Variants in ADGRB3 observed in about 807,000 individuals in gnomAD.
ADGRB3 encodes the protein brain-specific angiogenesis inhibitor 3.
A neutral mutation model predicts 193.4 loss-of-function variants in ADGRB3; 37 were observed. The observed-to-expected ratio is 0.19, with a 90% CI of 0.15 to 0.25. ADGRB3 has a LOEUF of 0.25. ADGRB3 is among the 10% of genes least tolerant of loss of function. The probability of loss-of-function intolerance (pLI) is 1.00; values close to 1 mark genes in which losing one functional copy is unlikely to be tolerated. For missense variants in ADGRB3, 1,637 were observed against 1,852.9 expected (o/e 0.88, Z 2.14); for synonymous variants, 690 against 644.2 (o/e 1.07, Z -1.08).
intron 13 of ADGRB3, among the ~76,000 whole-genome samples, chr6:69,042,373 A>G (rs1771098208): frequency 1.3e-5 from 2 of 152,340 alleles, no homozygotes; most frequent in South Asian, 4.1e-4. Flanking sequence ...TTTGGTAAAT[A>G]CTGTTGAATG....
chr6:69,113,599 G>A (rs1006178849), intron 17 of ADGRB3, among the ~76,000 whole-genome samples: 3 of 151,986 alleles, frequency 2.0e-5, no homozygotes, highest in Admixed American at 6.6e-5. Flanking sequence ...TATAGAAAAT[G>A]ACTAAATATA....
chr6:68,996,822 C>T (rs569591236), intron 11 of ADGRB3, among the ~76,000 whole-genome samples: 1 of 152,232 alleles, frequency 6.6e-6, no homozygotes, highest in South Asian at 2.1e-4. Flanking sequence ...TAGCCAAGTG[C>T]CAGCCCACCT....
intron 3 of ADGRB3, among the ~76,000 whole-genome samples, chr6:68,796,284 G>A (rs1423519834): frequency 6.6e-6 from 1 of 151,306 alleles, no homozygotes; most frequent in African/African-American, 2.4e-5. Context: ...TTTATATACT[G>A]TACTGACTGG....
chr6:68,752,266 C>A (rs1190018325), intron 3 of ADGRB3, among the ~76,000 whole-genome samples: 2 of 147,874 alleles, frequency 1.4e-5, no homozygotes, highest in Non-Finnish European at 3.0e-5. Context: ...TCAGTTGTGG[C>A]AGAATATTCT....
At chr6:69,063,890 T>G (rs1771823258) in intron 16 of ADGRB3, among the ~76,000 whole-genome samples, 1 of 152,044 alleles carries the variant, frequency 6.6e-6, no homozygotes, top group East Asian at 1.9e-4. Context: ...TGTACTTTCA[T>G]AGTTCCTGTA....
At chr6:68,728,171 T>A (rs917811423) in intron 3 of ADGRB3, among the ~76,000 whole-genome samples, 4 of 151,416 alleles carry the variant, frequency 2.6e-5, no homozygotes, top group African/African-American at 4.8e-5. Flanking sequence ...TGAAAAAAAA[T>A]ATTGACAGAG....
chr6:68,788,273 C>A (rs1015239890), intron 3 of ADGRB3, among the ~76,000 whole-genome samples: 1 of 152,048 alleles, frequency 6.6e-6, no homozygotes, highest in Non-Finnish European at 1.5e-5. Context: ...ATCTTTCCTG[C>A]TTTCTCTTGT....
intron 11 of ADGRB3, among the ~76,000 whole-genome samples, 169 bp downstream of exon 11, chr6:68,994,131 C>T (rs189886642): frequency 2.6e-4 from 40 of 152,214 alleles, no homozygotes; most frequent in African/African-American, 9.4e-4. Flanking sequence ...AGTCATTCTC[C>T]ACCTCAATGT....
At chr6:68,866,524 G>A (rs1765301710) in intron 3 of ADGRB3, among the ~76,000 whole-genome samples, 2 of 152,176 alleles carry the variant, frequency 1.3e-5, no homozygotes, top group Non-Finnish European at 2.9e-5. Flanking sequence ...GTGGGTCACT[G>A]CTATAAAGAT....
rs900691778 is a variant in ADGRB3, at chr6:69,223,401, C to A, written c.2481-9889C>A. Among the ~76,000 whole-genome samples the A allele has an allele frequency of 3.9e-5, 6 of 152,076 alleles. No individual in the cohort carries two copies. In the East Asian group the frequency reaches 9.6e-4, roughly 24 times the overall value. The stretch of plus-strand genomic sequence containing the variant: ...CTTAATTGATATCTCAGTTTGATGT[C>A]TCAACAGTTATTTTTAAGCACTATC... On this transcript the variant is annotated intron_variant, in intron 17 of 31. Coordinates refer to ENST00000370598, the MANE Select transcript of ADGRB3 (RefSeq NM_001704.3).
intron 16 of ADGRB3, among the ~76,000 whole-genome samples, chr6:69,066,027 A>G (rs535909609): frequency 6.7e-6 from 1 of 148,300 alleles, no homozygotes; most frequent in Admixed American, 6.7e-5. Flanking sequence ...TGCATAGGTT[A>G]TATGCAAATA....
chr6:69,354,593 G>T (rs557733435), intron 27 of ADGRB3, among the ~76,000 whole-genome samples: 1 of 152,228 alleles, frequency 6.6e-6, no homozygotes, highest in South Asian at 2.1e-4. Context: ...TAGAATTAGG[G>T]CTAATGATTT....
At chr6:69,063,871 C>A (rs1302612174) in intron 16 of ADGRB3, among the ~76,000 whole-genome samples, 2 of 151,778 alleles carry the variant, frequency 1.3e-5, no homozygotes, top group East Asian at 3.9e-4. Context: ...CTATGAAAGT[C>A]TTCCTTATTG....
At chr6:68,658,646 T>G (rs1768548585) in intron 3 of ADGRB3, among the ~76,000 whole-genome samples, 1 of 151,286 alleles carries the variant, frequency 6.6e-6, no homozygotes, top group South Asian at 2.1e-4. Context: ...GTTTTTTGGA[T>G]TGCTACATTT....
intron 26 of ADGRB3, among the ~76,000 whole-genome samples, chr6:69,351,613 G>T (rs1314004084): frequency 6.6e-6 from 1 of 152,106 alleles, no homozygotes; most frequent in Non-Finnish European, 1.5e-5. Context: ...AGCATTTAAT[G>T]ATTCATGAAG....
chr6:69,308,586 T>C (rs1366974185), intron 20 of ADGRB3, among the ~76,000 whole-genome samples: 2 of 151,710 alleles, frequency 1.3e-5, no homozygotes, highest in African/African-American at 2.4e-5. Flanking sequence ...AAAGGTAATA[T>C]TTAGGTTTAA....
rs66675226 is a variant in ADGRB3, at chr6:69,011,135, A to ATGTGTGTGTGTG, written c.1930-2881_1930-2870dup. Among the ~76,000 whole-genome samples, 1,399 of 144,996 alleles carry ATGTGTGTGTGTG rather than the reference A, an allele frequency of 9.6e-3. 29 individuals carry two copies. Among genetic ancestry groups the ATGTGTGTGTGTG allele is most frequent in the African/African-American group, 0.034 (1,319 of 38,776 alleles). The stretch of plus-strand genomic sequence containing the variant: ...TTAGTATGTGTATATATACATATAT[A>ATGTGTGTGTGTG]TGTGTGTGTGTGTGTGTGTGTGTGT... On this transcript the variant is annotated intron_variant, in intron 11 of 31. Coordinates refer to ENST00000370598, the MANE Select transcript of ADGRB3 (RefSeq NM_001704.3).
rs184033353 is a variant in ADGRB3, at chr6:68,902,363, T to C, written c.758-28196T>C. On this transcript the variant is annotated intron_variant, in intron 3 of 31. Transcript: ENST00000370598. ...TTTTTTTCTGCTTAGGGAATGATTA[T>C]TAACACATGGTAGTGTCAAGTGATT... Among the ~76,000 whole-genome samples, 366 of 152,234 alleles carry C rather than the reference T, an allele frequency of 2.4e-3. 1 individual carries two copies. Among genetic ancestry groups the C allele is most frequent in the African/African-American group, 8.4e-3 (348 of 41,576 alleles).
intron 14 of ADGRB3, among the ~76,000 whole-genome samples, chr6:69,048,589 T>C (rs937828042): frequency 2.6e-5 from 4 of 152,162 alleles, no homozygotes; most frequent in African/African-American, 9.7e-5. Context: ...TGGTCAAGTT[T>C]CAATATTCAT....
Sources: gnomAD v4.1 joint callset for allele counts (sites outside exome capture counted in the v4.1 genomes callset) on GRCh38, gnomAD v4.1.1 for gene constraint, MANE v1.5 for transcripts, NCBI Gene and HGNC (gene_info 2026-07-23, HGNC 2026-07-21) for gene names.